The following RERE variants were observed in gnomAD, a reference collection of about 807,000 sequenced individuals.
RERE encodes arginine-glutamic acid dipeptide repeats, also known as arginine-glutamic acid dipeptide repeats protein.
RERE carries 40 observed loss-of-function variants against 146.1 expected under a neutral mutation model. The observed-to-expected ratio is 0.27, with a 90% CI of 0.21 to 0.36. RERE has a LOEUF of 0.36. Ranked by LOEUF, RERE falls within the 10% of genes least tolerant of loss-of-function variation. The pLI, the probability that RERE is intolerant of heterozygous loss-of-function variation, is 1.00. For synonymous variants in RERE, 1,003 were observed against 866.0 expected, an observed-to-expected ratio of 1.16 and a Z score of -2.78; for missense variants, 1,933 against 2,138.7, an observed-to-expected ratio of 0.90 and a Z score of 1.90.
In RERE at chr1:8,358,508, G is replaced by T; in HGVS notation, c.4027C>A (p.Pro1343Thr). 1 of 1,592,404 alleles carries T rather than the reference G, an allele frequency of 6.3e-7. No homozygotes were observed. The change falls in exon 20 of 23, where the codon CCC becomes ACC. Residue 1343 changes from proline to threonine, a missense_variant. Around this residue, in one of 11 missense-constraint regions of RERE, gnomAD observed 1,255 missense variants for 1,153.8 expected, o/e 1.09. Transcript: ENST00000400908. ...CTGTGCCGGGCAAAGTGCTCCATGG[G>T]GTTGGCGGCTGGGTGCAGGGGGTCC... ...ELDPLHPAAN[P>T]MEHFARHSAL...
intron 7 of RERE, among the ~76,000 whole-genome samples, chr1:8,537,143 G>A (rs570874747): frequency 2.4e-4 from 36 of 152,296 alleles, no homozygotes; most frequent in Admixed American, 1.6e-3. Context: ...AGTTGAGGCT[G>A]TGGTGAGCCC....
At chr1:8,455,025 T>C (rs955068875) in intron 11 of RERE, among the ~76,000 whole-genome samples, 2 of 151,900 alleles carry the variant, frequency 1.3e-5, no homozygotes, top group African/African-American at 2.4e-5. Context: ...GAGTTTTCCA[T>C]ATAGGAAAGA....
chr1:8,690,038 T>C (rs1423422530), intron 1 of RERE, among the ~76,000 whole-genome samples: 1 of 152,222 alleles, frequency 6.6e-6, no homozygotes, highest in African/African-American at 2.4e-5. Flanking sequence ...TGTAGTAACA[T>C]ACTGATCATC....
At position 8,553,427 on chromosome 1, in the gene RERE, C is replaced by T. The variant is rs115619988; in HGVS notation, c.725+3048G>A. On this transcript the variant is annotated intron_variant, in intron 6 of 22. Coordinates refer to ENST00000400908, the MANE Select transcript of RERE (RefSeq NM_001042681.2). The stretch of plus-strand genomic sequence containing the variant: ...ACGAGACACTGCACCACAAAGCCAG[C>T]GTGTCCACACACACGTGACACTGCA... Among the ~76,000 whole-genome samples, 1,149 of 150,558 alleles carry T rather than the reference C, an allele frequency of 7.6e-3. 19 individuals carry two copies. The highest frequency in any genetic ancestry group is 0.027 in the African/African-American group (1,115 of 40,920).
intron 3 of RERE, among the ~76,000 whole-genome samples, chr1:8,617,192 A>T (rs1557437635): frequency 6.6e-6 from 1 of 151,902 alleles, no homozygotes; most frequent in Non-Finnish European, 1.5e-5. Context: ...AGAATACAAA[A>T]ACATAGCCGG....
intron 1 of RERE, among the ~76,000 whole-genome samples, chr1:8,662,690 C>T (rs771525445): frequency 5.3e-5 from 8 of 151,872 alleles, no homozygotes; most frequent in South Asian, 2.1e-4. Flanking sequence ...AGAGTGAGAC[C>T]CTGTCTCTTA....
chr1:8,448,002 T>C (rs910233841), intron 11 of RERE, among the ~76,000 whole-genome samples: 5 of 152,190 alleles, frequency 3.3e-5, no homozygotes, highest in African/African-American at 1.2e-4. Flanking sequence ...GCCTATGTCA[T>C]GTCGTGCTCC....
At chr1:8,806,102 T>C (rs930487080) in intron 1 of RERE, among the ~76,000 whole-genome samples, 10 of 152,076 alleles carry the variant, frequency 6.6e-5, no homozygotes, top group African/African-American at 1.9e-4. Context: ...TCCGCCCGTG[T>C]TGGCCTCCCA....
In RERE at chr1:8,423,807, C is replaced by G. The variant is rs1643958395; in HGVS notation, c.1204-1000G>C. On this transcript the variant is annotated intron_variant, in intron 11 of 22. Coordinates refer to ENST00000400908, the MANE Select transcript of RERE (RefSeq NM_001042681.2). This position sits in a 1 kb window ranked among gnomAD's most constrained non-coding sequence, Gnocchi z 5.4. ...CAGGAGCGCGGCGCGCAGAGCCCGGCGCGGCCGCGGGCGGCTGCAAAAGGC... is the reference window on the plus strand; with the variant it reads ...CAGGAGCGCGGCGCGCAGAGCCCGGGGCGGCCGCGGGCGGCTGCAAAAGGC... 1 of 577,328 alleles carries G rather than the reference C, an allele frequency of 1.7e-6. No homozygotes were observed. Among genetic ancestry groups the G allele is most frequent in the Non-Finnish European group, 2.2e-6 (1 of 460,106 alleles). 35.8% of individuals were successfully genotyped at this position (577,328 alleles called of 1,614,324 possible). A position where few individuals can be genotyped will look rare whatever the true frequency, so the allele number is the denominator to read the frequency against.
In RERE at chr1:8,762,382, G is replaced by GA; in HGVS notation, c.-145+54777dup. On this transcript the variant is annotated intron_variant, in intron 1 of 22. Coordinates refer to ENST00000400908, the MANE Select transcript of RERE (RefSeq NM_001042681.2). ...GTACTTAAATATTTGACAAATGAATGAAAAAATTACAAATCAGCTTTCTCG... is the reference window on the plus strand; with the variant it reads ...GTACTTAAATATTTGACAAATGAATGAAAAAAATTACAAATCAGCTTTCTCG... Among the ~76,000 whole-genome samples, 4 of 152,202 alleles carry GA rather than the reference G, an allele frequency of 2.6e-5. No homozygotes were observed. In the South Asian group the frequency reaches 8.3e-4, roughly 32 times the overall value.
intron 12 of RERE, among the ~76,000 whole-genome samples, chr1:8,419,265 A>C (rs182765378): frequency 1.3e-5 from 2 of 152,202 alleles, no homozygotes; most frequent in African/African-American, 2.4e-5. Flanking sequence ...AAGCCTCTAT[A>C]AACAGTTGGG....
At chr1:8,701,794 GA>G (rs35328669) in intron 1 of RERE, among the ~76,000 whole-genome samples, 22 of 149,338 alleles carry the variant, frequency 1.5e-4, no homozygotes, top group African/African-American at 4.7e-4. Context: ...TACAGAGTTA[GA>G]AAAAAAAAAT....
chr1:8,355,960 C>T (rs916689122), intron 21 of RERE, 140 bp downstream of exon 21: 15 of 885,952 alleles, frequency 1.7e-5, no homozygotes, highest in Admixed American at 5.7e-5. Context: ...TGTTCCCCCA[C>T]GGACCCCCTG....
At chr1:8,444,849 G>C (rs1257096889) in intron 11 of RERE, among the ~76,000 whole-genome samples, 1 of 151,744 alleles carries the variant, frequency 6.6e-6, no homozygotes, top group Non-Finnish European at 1.5e-5. Flanking sequence ...TCCCCAGGAA[G>C]TGCGTAGATG....
rs756134309 is a variant in RERE at position 8,358,260 on chromosome 1, G to A, written c.4275C>T (p.His1425=). 36 of 1,612,914 alleles carry A rather than the reference G, an allele frequency of 2.2e-5. No homozygotes were observed. The South Asian group carries it at 3.5e-4, about 16-fold the overall frequency. ...ARLQMFNVTP[H]HHQHSHIHSH... is the part of the protein sequence containing the mutation. ...AGTGAATGTGAGAGTGCTGGTGATG[G>A]TGCGGAGTCACGTTGAACATCTGCA... is the stretch of plus-strand genomic sequence containing the variant. The change falls in exon 20 of 23, where the codon CAC becomes CAT. Residue 1425 remains histidine (H), a synonymous_variant. Coordinates refer to ENST00000400908, the MANE Select transcript of RERE (RefSeq NM_001042681.2).
At chr1:8,751,209 C>G (rs1640528229) in intron 1 of RERE, 1 of 217,134 alleles carries the variant, frequency 4.6e-6, no homozygotes, top group Admixed American at 5.2e-5. Context: ...CTGAAACATA[C>G]TTATTCAAGC....
intron 1 of RERE, among the ~76,000 whole-genome samples, chr1:8,669,498 C>T (rs532193531): frequency 6.6e-6 from 1 of 152,288 alleles, no homozygotes; most frequent in South Asian, 2.1e-4. Context: ...AACTGAATTA[C>T]AAACTAACAA....
intron 1 of RERE, among the ~76,000 whole-genome samples, chr1:8,768,324 G>T (rs1212584949): frequency 6.6e-6 from 1 of 152,200 alleles, no homozygotes; most frequent in Admixed American, 6.5e-5. Context: ...TTCCAGGAAA[G>T]TTGTATAAAC....
chr1:8,424,016 G>C (rs1189280531), intron 11 of RERE: 2 of 151,922 alleles, frequency 1.3e-5, no homozygotes, highest in African/African-American at 4.8e-5. Flanking sequence ...CCTCCCTACC[G>C]CAGCAAGCGT....
Sources: allele counts gnomAD v4.1 joint callset (sites outside exome capture counted in the v4.1 genomes callset), GRCh38; gene constraint gnomAD v4.1.1; regional missense constraint gnomAD v4.1.1; non-coding constraint Gnocchi (gnomAD v3.1); transcripts MANE v1.5; gene names NCBI Gene and HGNC (gene_info 2026-07-23, HGNC 2026-07-21).